The following GUCY1A2 variants were observed in gnomAD, a reference collection of about 807,000 sequenced individuals.
GUCY1A2 encodes guanylate cyclase soluble subunit alpha-2.
In GUCY1A2, 27 loss-of-function variants were observed where a neutral mutation model predicts 63.5. The ratio of observed to expected loss-of-function variants is 0.43; its 90% confidence interval spans 0.31 to 0.59. The LOEUF (loss-of-function observed/expected upper bound fraction) is 0.59, where lower values mean the gene tolerates loss of function less well. Among genes scored for constraint, GUCY1A2 ranks in the 20% least tolerant of loss-of-function variants. The pLI, the probability that GUCY1A2 is intolerant of heterozygous loss-of-function variation, is 0.11. For synonymous variants in GUCY1A2, 364 were observed against 343.5 expected (o/e 1.06, Z -0.66); for missense variants, 768 against 913.3 (o/e 0.84, Z 2.05).
chr11:106,829,106 C>T (rs983286963), intron 4 of GUCY1A2, among the ~76,000 whole-genome samples: 2 of 152,200 alleles, frequency 1.3e-5, no homozygotes, highest in African/African-American at 4.8e-5. Flanking sequence ...CAAAGTCAAT[C>T]TGTGACTCAA....
At chr11:106,802,037 G>A (rs1858610915) in intron 5 of GUCY1A2, among the ~76,000 whole-genome samples, 1 of 152,078 alleles carries the variant, frequency 6.6e-6, no homozygotes, top group African/African-American at 2.4e-5. Context: ...TTAAATCACT[G>A]TTATTAAGTG....
chr11:106,852,066 C>T (rs1012134004), intron 4 of GUCY1A2, among the ~76,000 whole-genome samples: 1 of 151,752 alleles, frequency 6.6e-6, no homozygotes, highest in Admixed American at 6.6e-5. Flanking sequence ...ATCTTTCACC[C>T]CTTTTGTTTA....
chr11:106,833,599 A>C (rs1172328127), intron 4 of GUCY1A2, among the ~76,000 whole-genome samples: 1 of 152,110 alleles, frequency 6.6e-6, no homozygotes, highest in Non-Finnish European at 1.5e-5. Flanking sequence ...TAGATCCATA[A>C]GAGTAGCGAT....
intron 4 of GUCY1A2, chr11:106,825,064 T>C (rs1222666593): frequency 4.0e-6 from 3 of 755,430 alleles, no homozygotes; most frequent in South Asian, 2.0e-5. Flanking sequence ...ATATTTTATA[T>C]GTATGGATCT....
chr11:106,846,330 A>G (rs942380173), intron 4 of GUCY1A2, among the ~76,000 whole-genome samples: 1 of 151,680 alleles, frequency 6.6e-6, no homozygotes, highest in African/African-American at 2.4e-5. Flanking sequence ...TTTAATTTTA[A>G]AGAGTAATCA....
intron 3 of GUCY1A2, among the ~76,000 whole-genome samples, chr11:106,945,340 A>G (rs1198845708): frequency 1.3e-5 from 2 of 152,124 alleles, no homozygotes; most frequent in Non-Finnish European, 2.9e-5. Flanking sequence ...GCAAAGATTC[A>G]GAGATTCCAT....
chr11:106,937,393 G>A (rs985649037), intron 4 of GUCY1A2, among the ~76,000 whole-genome samples: 1 of 151,980 alleles, frequency 6.6e-6, no homozygotes, highest in Non-Finnish European at 1.5e-5. Flanking sequence ...TGAAATATAA[G>A]GGGAAAAAAC....
chr11:106,834,931 CTGTGGAAACACA>C (rs931581793), intron 4 of GUCY1A2, among the ~76,000 whole-genome samples: 23 of 151,954 alleles, frequency 1.5e-4, no homozygotes, highest in Non-Finnish European at 7.4e-5. Flanking sequence ...TCCAAAATCC[CTGTGGAAACACA>C]TGAACCTTCT....
chr11:106,929,183 G>A (rs1157868475), intron 4 of GUCY1A2, among the ~76,000 whole-genome samples: 1 of 152,100 alleles, frequency 6.6e-6, no homozygotes, highest in Non-Finnish European at 1.5e-5. Flanking sequence ...TCAATTTCAT[G>A]GAGGCTGAAA....
In GUCY1A2 at chr11:106,725,151, TC is replaced by T. The variant is rs1385619874; in HGVS notation, c.1837-16486del. ...TATGTATCTTCTTATTGACATAAAT[TC>T]TTTTTTTTTTTTTTTTTTTTTTTTT... On this transcript the variant is annotated intron_variant, in intron 6 of 7. Transcript: ENST00000526355. Among the ~76,000 whole-genome samples, 3 of 78,532 alleles carry T rather than the reference TC, an allele frequency of 3.8e-5. 1 individual carries two copies. The highest frequency in any genetic ancestry group is 7.7e-5 in the Non-Finnish European group (3 of 39,022). The allele number at this position is 78,532 out of a possible 152,430, so 51.5% of individuals were successfully genotyped here.
chr11:106,842,671 G>A (rs566832129), intron 4 of GUCY1A2, among the ~76,000 whole-genome samples: 29 of 152,048 alleles, frequency 1.9e-4, no homozygotes, highest in Admixed American at 1.8e-3. Context: ...ATTTAGAGCG[G>A]AGCTTCTCAA....
At chr11:106,981,875 A>G (rs1452388166) in intron 2 of GUCY1A2, among the ~76,000 whole-genome samples, 4 of 152,204 alleles carry the variant, frequency 2.6e-5, no homozygotes, top group Non-Finnish European at 1.5e-5. Flanking sequence ...AGACAGGAAA[A>G]GGTTGCAGCA....
chr11:106,886,260 T>A (rs1859899299), intron 4 of GUCY1A2, among the ~76,000 whole-genome samples: 1 of 152,276 alleles, frequency 6.6e-6, no homozygotes, highest in Non-Finnish European at 1.5e-5. Flanking sequence ...AAGTCTTCCA[T>A]CCTTTCCTCC....
At chr11:106,874,745 TAAGAA>T (rs748658718) in intron 4 of GUCY1A2, among the ~76,000 whole-genome samples, 65 of 151,522 alleles carry the variant, frequency 4.3e-4, no homozygotes, top group Admixed American at 1.7e-3. Flanking sequence ...TATGGGGTGA[TAAGAA>T]AGGAGAGCCA....
chr11:106,990,201 G>A (rs897888771), intron 1 of GUCY1A2, among the ~76,000 whole-genome samples: 1 of 152,276 alleles, frequency 6.6e-6, no homozygotes, highest in African/African-American at 2.4e-5. Context: ...AGCCATCAGT[G>A]TCCTGCACAC....
intron 4 of GUCY1A2, chr11:106,827,364 A>G: frequency 6.4e-7 from 1 of 1,556,008 alleles, no homozygotes; most frequent in Non-Finnish European, 8.9e-7. Context: ...CTATAGCTTT[A>G]TCTTTAATGG....
At chr11:106,778,647 C>T (rs922015949) in intron 5 of GUCY1A2, among the ~76,000 whole-genome samples, 4 of 151,430 alleles carry the variant, frequency 2.6e-5, no homozygotes, top group Admixed American at 6.6e-5. Context: ...GGCAACACAG[C>T]GAGACTCCAT....
intron 4 of GUCY1A2, among the ~76,000 whole-genome samples, chr11:106,900,536 A>G (rs968576700): frequency 5.9e-5 from 9 of 152,224 alleles, no homozygotes; most frequent in Admixed American, 4.6e-4. Context: ...TTATACTTGA[A>G]TAGGCATGTA....
chr11:106,773,502 C>T (rs925253992), intron 6 of GUCY1A2, among the ~76,000 whole-genome samples: 3 of 152,166 alleles, frequency 2.0e-5, no homozygotes, highest in East Asian at 1.9e-4. Flanking sequence ...TTTTGCTACA[C>T]GTGCACAAGT....
Sources: allele counts gnomAD v4.1 joint callset (sites outside exome capture counted in the v4.1 genomes callset), GRCh38; gene constraint gnomAD v4.1.1; transcripts MANE v1.5; gene names NCBI Gene and HGNC (gene_info 2026-07-23, HGNC 2026-07-21).